Variants in XRCC4 observed in about 807,000 individuals in gnomAD.
The protein encoded by XRCC4 is X-ray repair cross complementing 4, also known as DNA repair protein XRCC4.
Under a neutral mutation model 39.1 loss-of-function variants are expected in XRCC4, and 28 were observed. The ratio of observed to expected loss-of-function variants is 0.72; its 90% confidence interval spans 0.53 to 0.98. The LOEUF (loss-of-function observed/expected upper bound fraction) is 0.98. Among genes scored for constraint, XRCC4 ranks in the 50% least tolerant of loss-of-function variants. The pLI, the probability that XRCC4 is intolerant of heterozygous loss-of-function variation, is 0.00. For missense variants in XRCC4, 350 were observed against 376.4 expected (o/e 0.93, Z 0.58); for synonymous variants, 123 against 126.4 (o/e 0.97, Z 0.18).
At chr5:83,159,762 G>A (rs1327896149) in intron 3 of XRCC4, among the ~76,000 whole-genome samples, 1 of 152,066 alleles carries the variant, frequency 6.6e-6, no homozygotes, top group Non-Finnish European at 1.5e-5. Flanking sequence ...AACATTGTTG[G>A]TGGCAAAATT....
At chr5:83,286,596 T>C (rs1429423865) in intron 7 of XRCC4, among the ~76,000 whole-genome samples, 2 of 152,112 alleles carry the variant, frequency 1.3e-5, no homozygotes, top group Non-Finnish European at 2.9e-5. Context: ...TTTCCACTGA[T>C]TGGATGAAGC....
At chr5:83,267,837 C>T (rs1754011071) in intron 7 of XRCC4, among the ~76,000 whole-genome samples, 1 of 152,112 alleles carries the variant, frequency 6.6e-6, no homozygotes, top group Non-Finnish European at 1.5e-5. Flanking sequence ...TTGTATAAAA[C>T]AAACGCATGG....
Position 83,329,837 on chromosome 5 carries a change from A to AAG in XRCC4, c.894-23294_894-23293insAG, listed in dbSNP as rs570985284. On this transcript the variant is annotated intron_variant, in intron 7 of 7. Transcript: ENST00000396027. ...CTGAGGAACTAAGGAAGAAGCCTAA[A>AAG]GTGATGTAACTGCTAAAGTATTGTG... Among the ~76,000 whole-genome samples, 6 of 152,248 alleles carry AAG rather than the reference A, an allele frequency of 3.9e-5. No homozygotes were observed. In the South Asian group the frequency reaches 1.2e-3, roughly 32 times the overall value.
intron 6 of XRCC4, among the ~76,000 whole-genome samples, chr5:83,232,648 T>C (rs1296573242): frequency 2.6e-5 from 4 of 152,114 alleles, no homozygotes; most frequent in Non-Finnish European, 5.9e-5. Flanking sequence ...CTTCTAGATA[T>C]CCTCCTATCT....
chr5:83,092,427 T>C (rs1176654489), intron 1 of XRCC4, among the ~76,000 whole-genome samples: 2 of 152,146 alleles, frequency 1.3e-5, no homozygotes, highest in Non-Finnish European at 2.9e-5. Context: ...CATTTTAATG[T>C]CAAATAACAA....
chr5:83,216,602 C>T (rs1395480879), intron 6 of XRCC4, among the ~76,000 whole-genome samples: 4 of 152,116 alleles, frequency 2.6e-5, no homozygotes, highest in African/African-American at 7.2e-5. Flanking sequence ...AAAATGTGGT[C>T]TATCCATACA....
At chr5:83,223,577 A>AT (rs1372872915) in intron 6 of XRCC4, among the ~76,000 whole-genome samples, 43 of 144,178 alleles carry the variant, frequency 3.0e-4, no homozygotes, top group South Asian at 6.6e-4. Context: ...TTTGAATGGA[A>AT]TTTTTTTTTT....
At chr5:83,328,663 T>C (rs1490475972) in intron 7 of XRCC4, among the ~76,000 whole-genome samples, 3 of 152,006 alleles carry the variant, frequency 2.0e-5, no homozygotes, top group African/African-American at 7.2e-5. Flanking sequence ...GAAATTTACA[T>C]AGAAGAACAA....
chr5:83,099,794 C>A (rs959588723), intron 1 of XRCC4, among the ~76,000 whole-genome samples: 5 of 152,114 alleles, frequency 3.3e-5, no homozygotes, highest in African/African-American at 9.7e-5. Flanking sequence ...TTTCTTATAG[C>A]CCTAATCAAT....
chr5:83,312,288 A>C (rs1755734505), intron 7 of XRCC4, among the ~76,000 whole-genome samples: 1 of 152,230 alleles, frequency 6.6e-6, no homozygotes, highest in African/African-American at 2.4e-5. Flanking sequence ...CAGTAGCAAA[A>C]ATCATCCTAG....
At chr5:83,345,808 A>G (rs1177633408) in intron 7 of XRCC4, among the ~76,000 whole-genome samples, 1 of 152,228 alleles carries the variant, frequency 6.6e-6, no homozygotes, top group Non-Finnish European at 1.5e-5. Context: ...CTATAAAGTT[A>G]AAAGAGAAGT....
intron 7 of XRCC4, among the ~76,000 whole-genome samples, chr5:83,276,452 A>G (rs1338086099): frequency 1.1e-5 from 1 of 93,046 alleles, no homozygotes; most frequent in East Asian, 1.3e-3. Context: ...TCATTTATGA[A>G]TGGATTAATG....
At chr5:83,094,076 A>G (rs1193533012) in intron 1 of XRCC4, among the ~76,000 whole-genome samples, 1 of 152,056 alleles carries the variant, frequency 6.6e-6, no homozygotes, top group Non-Finnish European at 1.5e-5. Context: ...TGATAATTAC[A>G]TGTTATCGTC....
intron 7 of XRCC4, among the ~76,000 whole-genome samples, chr5:83,271,025 A>G (rs1754129146): frequency 6.6e-6 from 1 of 152,116 alleles, no homozygotes; most frequent in Non-Finnish European, 1.5e-5. Flanking sequence ...TAGCCCATTT[A>G]ATCAACTACT....
At chr5:83,124,124 G>T (rs73768893) in intron 3 of XRCC4, among the ~76,000 whole-genome samples, 2,259 of 152,164 alleles carry the variant, frequency 0.015, 41 homozygotes, top group African/African-American at 0.052. Context: ...TATGTGCACT[G>T]TTTTTATTGT....
chr5:83,302,252 G>T (rs1353995541), intron 7 of XRCC4, among the ~76,000 whole-genome samples: 2 of 148,574 alleles, frequency 1.3e-5, no homozygotes, highest in Non-Finnish European at 2.9e-5. Flanking sequence ...GAGCCAATGG[G>T]GTACCAAAAA....
intron 7 of XRCC4, among the ~76,000 whole-genome samples, chr5:83,342,875 TA>T (rs1314258428): frequency 1.3e-5 from 2 of 152,180 alleles, no homozygotes; most frequent in Non-Finnish European, 2.9e-5. Flanking sequence ...GCACATTATT[TA>T]AAACTTTTCC....
Position 83,121,772 on chromosome 5 carries a change from C to T in XRCC4, c.315+10569C>T, listed in dbSNP as rs75249010. On this transcript the variant is annotated intron_variant, in intron 3 of 7. Transcript: ENST00000396027. ...TGAGATCACTTCTAATGCATTTTTG[C>T]CTAACTTGTTGCAGACTTACGCTTT... is the stretch of plus-strand genomic sequence containing the variant. Among the ~76,000 whole-genome samples, 167 of 152,098 alleles carry T rather than the reference C, an allele frequency of 1.1e-3. 1 individual carries two copies. In the East Asian group the frequency reaches 0.025, roughly 23 times the overall value.
chr5:83,138,115 T>C (rs1015573606), intron 3 of XRCC4, among the ~76,000 whole-genome samples: 10 of 152,190 alleles, frequency 6.6e-5, no homozygotes, highest in African/African-American at 2.4e-4. Flanking sequence ...GTAAACTGAA[T>C]TGGTGTACTA....
Sources: gnomAD v4.1 joint callset for allele counts (sites outside exome capture counted in the v4.1 genomes callset) on GRCh38, gnomAD v4.1.1 for gene constraint, MANE v1.5 for transcripts, NCBI Gene and HGNC (gene_info 2026-07-23, HGNC 2026-07-21) for gene names.